PACSIN2: variants seen among roughly 807,000 people sequenced by gnomAD.
The protein encoded by PACSIN2 is protein kinase C and casein kinase substrate in neurons 2, also known as protein kinase C and casein kinase substrate in neurons protein 2.
Under a neutral mutation model 63.8 loss-of-function variants are expected in PACSIN2, and 25 were observed. The ratio of observed to expected loss-of-function variants is 0.39; its 90% CI spans 0.29 to 0.55. The LOEUF (loss-of-function observed/expected upper bound fraction) is 0.55, where lower values mean the gene tolerates loss of function less well. PACSIN2 is among the 20% of genes least tolerant of loss of function. The pLI is 0.62. For synonymous variants in PACSIN2, 255 were observed against 256.2 expected, an observed-to-expected ratio of 1.00 and a Z score of 0.05; for missense variants, 518 against 646.9, an observed-to-expected ratio of 0.80 and a Z score of 2.16.
Position 42,876,881 on chromosome 22 carries a change from C to T in PACSIN2, c.1151+7G>A, listed in dbSNP as rs747128410. On this transcript the variant is annotated splice_region_variant and intron_variant, in intron 9 of 10. Transcript: ENST00000263246. ...GGTGGGAGCAGAGGAAGCATTTGTT[C>T]ACCAACTTTTTGGCCTTAGTGTCGT... is the stretch of plus-strand genomic sequence containing the variant. 4 of 1,614,140 alleles carry T rather than the reference C, an allele frequency of 2.5e-6. No individual in the cohort carries two copies. Among genetic ancestry groups the T allele is most frequent in the African/African-American group, 1.3e-5 (1 of 75,038 alleles).
intron 1 of PACSIN2, among the ~76,000 whole-genome samples, chr22:43,012,169 A>C (rs543447372): frequency 6.7e-6 from 1 of 148,812 alleles, no homozygotes; most frequent in South Asian, 2.1e-4. Flanking sequence ...ATACATACAT[A>C]CATACATACA....
intron 1 of PACSIN2, among the ~76,000 whole-genome samples, chr22:42,922,642 G>C (rs2092209): frequency 0.43 from 65,096 of 152,052 alleles, 14,550 homozygotes; most frequent in Non-Finnish European, 0.48. Flanking sequence ...TTCTTCAGTG[G>C]TTGGGAAATA....
intron 1 of PACSIN2, among the ~76,000 whole-genome samples, chr22:43,010,059 G>A (rs1310698648): frequency 2.0e-5 from 3 of 151,632 alleles, no homozygotes; most frequent in African/African-American, 7.3e-5. Context: ...CAGCAGAGAT[G>A]GGGTTTCACC....
At chr22:43,000,259 T>C (rs1923681317) in intron 1 of PACSIN2, among the ~76,000 whole-genome samples, 2 of 152,168 alleles carry the variant, frequency 1.3e-5, no homozygotes, top group Middle Eastern at 3.2e-3. Flanking sequence ...AAGCCAGCCA[T>C]CCTGGACAGC....
chr22:42,904,371 G>A (rs9611960), intron 2 of PACSIN2, among the ~76,000 whole-genome samples: 1 of 152,356 alleles, frequency 6.6e-6, no homozygotes. Flanking sequence ...CGAGCACCCA[G>A]CAAGTGGCAG....
At position 42,948,868 on chromosome 22, in the gene PACSIN2, T is replaced by TA. The variant is rs756654688; in HGVS notation, c.-77-36712dup. ...TCTAACTTGACAGTGCTTTTATTTC[T>TA]AAAAAAAGTTCACATAAAATGAACT... On this transcript the variant is annotated intron_variant, in intron 1 of 10. Transcript: ENST00000263246. 2.7e-3 allele frequency among the ~76,000 whole-genome samples: 415 copies of TA among 152,222 alleles called. 1 individual carries two copies. Among genetic ancestry groups the TA allele is most frequent in the Non-Finnish European group, 4.1e-3 (279 of 68,000 alleles).
intron 1 of PACSIN2, among the ~76,000 whole-genome samples, chr22:42,936,927 G>C (rs1932941576): frequency 7.2e-6 from 1 of 138,662 alleles, no homozygotes; most frequent in African/African-American, 2.6e-5. Context: ...AGGGGGGGGG[G>C]CAGGGGCAGT....
intron 5 of PACSIN2, among the ~76,000 whole-genome samples, chr22:42,886,078 C>T (rs890705221): frequency 6.6e-6 from 1 of 152,134 alleles, no homozygotes; most frequent in Non-Finnish European, 1.5e-5. Flanking sequence ...AATAGCCTCC[C>T]GGGAGCTCTC....
At chr22:43,009,863 CTATT>C (rs1323214203) in intron 1 of PACSIN2, among the ~76,000 whole-genome samples, 27 of 131,810 alleles carry the variant, frequency 2.0e-4, no homozygotes, top group Admixed American at 1.5e-3. Flanking sequence ...TTTATTTTTT[CTATT>C]TTTTTTTTTT....
intron 1 of PACSIN2, among the ~76,000 whole-genome samples, chr22:42,912,794 C>A (rs1931549064): frequency 1.3e-5 from 2 of 152,188 alleles, no homozygotes; most frequent in African/African-American, 4.8e-5. Context: ...CTGTCCGCAG[C>A]CGAGATGAAA....
intron 2 of PACSIN2, among the ~76,000 whole-genome samples, chr22:42,904,676 C>T (rs1930942452): frequency 6.6e-6 from 1 of 151,726 alleles, no homozygotes; most frequent in Non-Finnish European, 1.5e-5. Context: ...GCCTCCCCAC[C>T]TCCTTCCGTT....
chr22:42,990,759 C>G (rs903325768), intron 1 of PACSIN2, among the ~76,000 whole-genome samples: 10 of 152,158 alleles, frequency 6.6e-5, no homozygotes, highest in African/African-American at 2.4e-4. Context: ...GAATTTTAAT[C>G]TCAGACAGTC....
In PACSIN2 at chr22:42,889,373, T is replaced by TACACACACACATACACACAC. The variant is rs68042145; in HGVS notation, c.454-576_454-575insGTGTGTGTATGTGTGTGTGT. On this transcript the variant is annotated intron_variant, in intron 4 of 10. Coordinates refer to ENST00000263246, the MANE Select transcript of PACSIN2 (RefSeq NM_001184970.3). ...CATTTCCTCTGGTTTTAATGGTTTT[T>TACACACACACATACACACAC]ACACACACACACACACACACACACA... is the stretch of plus-strand genomic sequence containing the variant. 6.8e-3 allele frequency among the ~76,000 whole-genome samples: 834 copies of TACACACACACATACACACAC among 122,532 alleles called. 6 individuals are homozygous for TACACACACACATACACACAC. The highest frequency in any genetic ancestry group is 0.017 in the Middle Eastern group (4 of 232). 80.4% of individuals were successfully genotyped at this position (122,532 alleles called of 152,430 possible). A position where few individuals can be genotyped will look rare whatever the true frequency, so the allele number is the denominator to read the frequency against.
intron 1 of PACSIN2, among the ~76,000 whole-genome samples, chr22:43,011,172 T>C (rs553958096): frequency 9.9e-5 from 15 of 152,220 alleles, no homozygotes; most frequent in Non-Finnish European, 1.9e-4. Flanking sequence ...GAGGGATCAG[T>C]GCCCTGGCCA....
chr22:42,927,323 G>A (rs114581013), intron 1 of PACSIN2, among the ~76,000 whole-genome samples: 1,598 of 151,688 alleles, frequency 0.011, 26 homozygotes, highest in African/African-American at 0.036. Flanking sequence ...TTAGCTAACT[G>A]CAACCTCTGC....
chr22:42,976,084 T>C (rs1014236144), intron 1 of PACSIN2, among the ~76,000 whole-genome samples: 6 of 152,144 alleles, frequency 3.9e-5, no homozygotes, highest in Non-Finnish European at 5.9e-5. Flanking sequence ...TTGGAGAACA[T>C]TCATCATCTT....
At chr22:42,898,290 T>TTA (rs1930431443) in intron 2 of PACSIN2, among the ~76,000 whole-genome samples, 2 of 151,526 alleles carry the variant, frequency 1.3e-5, no homozygotes, top group African/African-American at 4.8e-5. Context: ...TTTTTTTTTT[T>TTA]GAGACAGTTT....
In PACSIN2 at chr22:42,871,889, GTC is replaced by G. The variant is rs1928167169; in HGVS notation, c.1349-422_1349-421del. On this transcript the variant is annotated intron_variant, in intron 10 of 10. Coordinates refer to ENST00000263246, the MANE Select transcript of PACSIN2 (RefSeq NM_001184970.3). This position sits in a 1 kb window ranked among gnomAD's most constrained non-coding sequence, Gnocchi z 5.4. The stretch of plus-strand genomic sequence containing the variant: ...CTTGCTCCCAGCAGCTGTCTCTGGG[GTC>G]TCTCTGCCTTTGCTAATCCCTCTCC... Among the ~76,000 whole-genome samples, 2 of 151,996 alleles carry G rather than the reference GTC, an allele frequency of 1.3e-5. No individual in the cohort carries two copies. Among genetic ancestry groups the G allele is most frequent in the East Asian group, 3.9e-4 (2 of 5,144 alleles).
intron 1 of PACSIN2, among the ~76,000 whole-genome samples, chr22:42,981,331 C>T (rs1475510115): frequency 1.4e-5 from 2 of 144,240 alleles, no homozygotes; most frequent in African/African-American, 5.3e-5. Context: ...CGCCCGGCAG[C>T]CACCCCGTCC....
Sources: allele counts gnomAD v4.1 joint callset (sites outside exome capture counted in the v4.1 genomes callset), GRCh38; gene constraint gnomAD v4.1.1; non-coding constraint Gnocchi (gnomAD v3.1); transcripts MANE v1.5; gene names NCBI Gene and HGNC (gene_info 2026-07-23, HGNC 2026-07-21).